The following AGBL4 variants were observed in gnomAD, a reference collection of about 807,000 sequenced individuals.
AGBL4 encodes the protein cytosolic carboxypeptidase 6.
AGBL4 carries 58 observed loss-of-function variants against 66.4 expected under a neutral mutation model. The observed-to-expected ratio is 0.87, with a 90% CI of 0.71 to 1.09. AGBL4 has a LOEUF of 1.09. Ranked by LOEUF, AGBL4 falls within the 50% of genes least tolerant of loss-of-function variation. The pLI, the probability that AGBL4 is intolerant of heterozygous loss-of-function variation, is 0.00. For missense variants in AGBL4, 579 were observed against 631.0 expected (o/e 0.92, Z 0.88); for synonymous variants, 234 against 222.9 (o/e 1.05, Z -0.44).
chr1:49,417,062 CA>C (rs1645442290), intron 3 of AGBL4, among the ~76,000 whole-genome samples: 1 of 152,012 alleles, frequency 6.6e-6, no homozygotes, highest in Non-Finnish European at 1.5e-5. Flanking sequence ...CCATGGGCCA[CA>C]AATGATGCAG....
intron 6 of AGBL4, among the ~76,000 whole-genome samples, chr1:48,865,191 G>C (rs1647906632): frequency 6.6e-6 from 1 of 152,038 alleles, no homozygotes; most frequent in African/African-American, 2.4e-5. Flanking sequence ...ATGTAGAATG[G>C]GGGTGAATTT....
chr1:49,739,874 G>T (rs1571449055), intron 2 of AGBL4, among the ~76,000 whole-genome samples: 1 of 152,018 alleles, frequency 6.6e-6, no homozygotes, highest in Admixed American at 6.6e-5. Flanking sequence ...TCACCACCAG[G>T]CCTGCCCTAC....
At chr1:49,783,157 T>A (rs1245676642) in intron 2 of AGBL4, among the ~76,000 whole-genome samples, 1 of 152,162 alleles carries the variant, frequency 6.6e-6, no homozygotes, top group Non-Finnish European at 1.5e-5. Context: ...CAACCCAGTC[T>A]ATGGTATTTT....
intron 5 of AGBL4, among the ~76,000 whole-genome samples, chr1:48,928,909 A>G (rs751702341): frequency 1.3e-5 from 2 of 152,156 alleles, no homozygotes; most frequent in Non-Finnish European, 2.9e-5. Context: ...AAGTTATACC[A>G]TGTGACATTT....
intron 3 of AGBL4, among the ~76,000 whole-genome samples, chr1:49,558,979 G>A (rs1482074392): frequency 6.6e-6 from 1 of 152,132 alleles, no homozygotes; most frequent in African/African-American, 2.4e-5. Flanking sequence ...CTCCTGGGTG[G>A]TACCTCTGGA....
intron 9 of AGBL4, among the ~76,000 whole-genome samples, chr1:48,608,942 C>T (rs1457675434): frequency 6.6e-6 from 1 of 152,122 alleles, no homozygotes; most frequent in Admixed American, 6.5e-5. Context: ...TAATCCCAAA[C>T]CTAACCTTTT....
At chr1:49,927,229 C>A (rs1652866252) in intron 1 of AGBL4, among the ~76,000 whole-genome samples, 1 of 152,178 alleles carries the variant, frequency 6.6e-6, no homozygotes, top group Non-Finnish European at 1.5e-5. Flanking sequence ...TTTGCATCTA[C>A]AATCAAATCA....
chr1:49,215,436 G>C (rs1360090639), intron 4 of AGBL4, among the ~76,000 whole-genome samples: 1 of 151,864 alleles, frequency 6.6e-6, no homozygotes, highest in African/African-American at 2.4e-5. Context: ...CTGTTTTTTT[G>C]CTGATTGATT....
At chr1:48,714,866 T>C (rs12062886) in intron 6 of AGBL4, among the ~76,000 whole-genome samples, 149,450 of 152,342 alleles carry the variant, frequency 0.98, 73,371 homozygotes, top group East Asian at 1. Context: ...TGAGATTTTT[T>C]AGTCGCTCAT....
At chr1:49,006,666 G>A (rs566999234) in intron 5 of AGBL4, among the ~76,000 whole-genome samples, 5 of 150,832 alleles carry the variant, frequency 3.3e-5, no homozygotes, top group South Asian at 2.1e-4. Context: ...CTCCCAGTAC[G>A]CAGCTGGAGA....
At chr1:49,238,647 C>T (rs536556982) in intron 4 of AGBL4, among the ~76,000 whole-genome samples, 2 of 152,274 alleles carry the variant, frequency 1.3e-5, no homozygotes, top group African/African-American at 4.8e-5. Flanking sequence ...CCTACTAGCC[C>T]TTTGTTGGTG....
intron 3 of AGBL4, among the ~76,000 whole-genome samples, chr1:49,317,771 A>C (rs1489087144): frequency 6.6e-6 from 1 of 152,036 alleles, no homozygotes; most frequent in Non-Finnish European, 1.5e-5. Flanking sequence ...CCTTTCAAAA[A>C]TCTAACATCT....
chr1:49,268,724 A>G (rs1643986810), intron 3 of AGBL4, among the ~76,000 whole-genome samples: 1 of 152,116 alleles, frequency 6.6e-6, no homozygotes, highest in Non-Finnish European at 1.5e-5. Flanking sequence ...TTATCATTTT[A>G]TAATAAAATG....
At chr1:48,593,855 T>G (rs577580046) in intron 9 of AGBL4, among the ~76,000 whole-genome samples, 2 of 152,320 alleles carry the variant, frequency 1.3e-5, no homozygotes, top group Admixed American at 6.5e-5. Flanking sequence ...AGACTGACCT[T>G]AGAAAGGCAG....
chr1:49,164,564 T>C (rs894462654), intron 4 of AGBL4, among the ~76,000 whole-genome samples: 1 of 152,202 alleles, frequency 6.6e-6, no homozygotes, highest in East Asian at 1.9e-4. Context: ...AGAGCTCTAG[T>C]TCTTGTGAGC....
chr1:49,454,563 T>C (rs1375317668), intron 3 of AGBL4, among the ~76,000 whole-genome samples: 2 of 151,730 alleles, frequency 1.3e-5, no homozygotes, highest in Non-Finnish European at 2.9e-5. Flanking sequence ...TAAGAGAAAA[T>C]TTGGGCTGGG....
At chr1:49,061,244 G>A (rs916390055) in intron 4 of AGBL4, among the ~76,000 whole-genome samples, 1 of 152,098 alleles carries the variant, frequency 6.6e-6, no homozygotes, top group African/African-American at 2.4e-5. Context: ...GCCAGGTCAT[G>A]CAGAAATTAT....
At chr1:48,540,172 G>C (rs980706036) in intron 11 of AGBL4, among the ~76,000 whole-genome samples, 1 of 152,150 alleles carries the variant, frequency 6.6e-6, no homozygotes, top group Non-Finnish European at 1.5e-5. Flanking sequence ...ACAAGGGCCT[G>C]CTTGACCCTT....
chr1:49,093,408 T>C (rs763937017), intron 4 of AGBL4, among the ~76,000 whole-genome samples: 4 of 152,212 alleles, frequency 2.6e-5, no homozygotes, highest in Admixed American at 6.5e-5. Flanking sequence ...TAATTCATTG[T>C]AGACCTACCA....
Sources: gnomAD v4.1 joint callset for allele counts (sites outside exome capture counted in the v4.1 genomes callset) on GRCh38, gnomAD v4.1.1 for gene constraint, MANE v1.5 for transcripts, NCBI Gene and HGNC (gene_info 2026-07-23, HGNC 2026-07-21) for gene names.